Variants in HMBOX1 observed in about 807,000 individuals in gnomAD.
HMBOX1 encodes the protein homeobox containing 1.
A neutral mutation model predicts 54.5 loss-of-function variants in HMBOX1; 14 were observed. The observed-to-expected ratio is 0.26, with a 90% CI of 0.17 to 0.40. The LOEUF is 0.40. HMBOX1 is among the 10% of genes least tolerant of loss of function. The pLI is 1.00. For synonymous variants in HMBOX1, 160 were observed against 181.0 expected (o/e 0.88, Z 0.93); for missense variants, 332 against 514.4 (o/e 0.65, Z 3.43).
At chr8:28,958,425 C>T (rs1303669037) in intron 1 of HMBOX1, among the ~76,000 whole-genome samples, 3 of 152,080 alleles carry the variant, frequency 2.0e-5, no homozygotes, top group Non-Finnish European at 4.4e-5. Context: ...TCAGTGTTTA[C>T]TTATAAAGGA....
intron 1 of HMBOX1, among the ~76,000 whole-genome samples, chr8:28,904,708 G>A (rs1403451690): frequency 6.9e-6 from 1 of 144,530 alleles, no homozygotes; most frequent in Non-Finnish European, 1.5e-5. Context: ...ATGGAGTCTC[G>A]CTCTGTCACC....
chr8:29,035,595 A>T (rs1424450742), intron 6 of HMBOX1, among the ~76,000 whole-genome samples: 1 of 152,354 alleles, frequency 6.6e-6, no homozygotes, highest in East Asian at 1.9e-4. Context: ...CAGTTTACTC[A>T]AATAGTAGAT....
intron 2 of HMBOX1, among the ~76,000 whole-genome samples, chr8:28,966,618 G>T (rs1826480972): frequency 6.6e-6 from 1 of 152,158 alleles, no homozygotes; most frequent in Non-Finnish European, 1.5e-5. Flanking sequence ...AAATAAAATT[G>T]TGAAATGCCG....
intron 1 of HMBOX1, among the ~76,000 whole-genome samples, chr8:28,901,491 AC>A (rs983507306): frequency 1.3e-5 from 2 of 151,734 alleles, no homozygotes; most frequent in Non-Finnish European, 2.9e-5. Context: ...TGATTCTTTC[AC>A]CCCATAACAT....
At chr8:29,025,366 T>C (rs1297950831) in intron 6 of HMBOX1, among the ~76,000 whole-genome samples, 2 of 152,158 alleles carry the variant, frequency 1.3e-5, no homozygotes, top group Non-Finnish European at 2.9e-5. Flanking sequence ...TTAAATATCA[T>C]GATGAAGTAA....
intron 4 of HMBOX1, among the ~76,000 whole-genome samples, chr8:29,008,419 T>A (rs1412482254): frequency 6.6e-6 from 1 of 152,210 alleles, no homozygotes; most frequent in Admixed American, 6.5e-5. Flanking sequence ...TGTGGAAAGC[T>A]TGTGTTGGAA....
At chr8:28,996,641 T>C (rs1180965629) in intron 4 of HMBOX1, among the ~76,000 whole-genome samples, 1 of 152,212 alleles carries the variant, frequency 6.6e-6, no homozygotes, top group African/African-American at 2.4e-5. Flanking sequence ...TTTTGTTGTT[T>C]TGTTTTTGCT....
chr8:28,909,656 C>G (rs996986396), intron 1 of HMBOX1, among the ~76,000 whole-genome samples: 1 of 152,058 alleles, frequency 6.6e-6, no homozygotes, highest in East Asian at 1.9e-4. Flanking sequence ...GGTGCCTCGC[C>G]TGCTAAAGTG....
chr8:28,974,099 C>T (rs981206401), intron 3 of HMBOX1, among the ~76,000 whole-genome samples: 9 of 152,102 alleles, frequency 5.9e-5, no homozygotes, highest in African/African-American at 2.2e-4. Flanking sequence ...CAGGCATGAG[C>T]CACTGTGCCC....
intron 4 of HMBOX1, among the ~76,000 whole-genome samples, chr8:28,985,783 T>A (rs1215795707): frequency 2.0e-5 from 3 of 152,176 alleles, no homozygotes; most frequent in Non-Finnish European, 4.4e-5. Flanking sequence ...AACTAAAGTT[T>A]CAGTATATTA....
intron 1 of HMBOX1, among the ~76,000 whole-genome samples, chr8:28,960,203 T>C (rs989588886): frequency 1.4e-5 from 2 of 145,604 alleles, no homozygotes; most frequent in East Asian, 3.8e-4. Flanking sequence ...TACTATTTTT[T>C]CTTTTGACTT....
At chr8:29,049,516 C>T in intron 9 of HMBOX1, 2 of 1,403,646 alleles carry the variant, frequency 1.4e-6, no homozygotes, top group South Asian at 1.6e-5. Context: ...TCTGGCCCCA[C>T]TGCAGTGGGA....
chr8:29,012,601 GA>G (rs759245016), intron 5 of HMBOX1, among the ~76,000 whole-genome samples: 2 of 152,208 alleles, frequency 1.3e-5, no homozygotes, highest in South Asian at 2.1e-4. Flanking sequence ...GCTGTGTTAG[GA>G]ACTGGGAAGA....
At chr8:28,908,041 T>G (rs533889520) in intron 1 of HMBOX1, among the ~76,000 whole-genome samples, 1 of 152,198 alleles carries the variant, frequency 6.6e-6, no homozygotes, top group South Asian at 2.1e-4. Flanking sequence ...TTTGTAGAGA[T>G]GAGATTTCGC....
intron 8 of HMBOX1, 84 bp downstream of exon 8, chr8:29,047,537 C>T: frequency 2.9e-6 from 2 of 686,114 alleles, no homozygotes; most frequent in East Asian, 2.8e-5. Context: ...AGTTTAGAAA[C>T]TGCAAGTCTA....
At chr8:28,928,106 G>A (rs1365365630) in intron 1 of HMBOX1, among the ~76,000 whole-genome samples, 1 of 151,510 alleles carries the variant, frequency 6.6e-6, no homozygotes, top group Non-Finnish European at 1.5e-5. Context: ...CTGAACTCCA[G>A]CCTGGTGACA....
chr8:28,949,284 G>T (rs151102441), intron 1 of HMBOX1, among the ~76,000 whole-genome samples: 10 of 152,102 alleles, frequency 6.6e-5, no homozygotes, highest in African/African-American at 2.2e-4. Flanking sequence ...TCTCAGTCTG[G>T]TATTTTTTAG....
chr8:29,035,226 T>C (rs1004616772), intron 6 of HMBOX1, among the ~76,000 whole-genome samples: 5 of 152,144 alleles, frequency 3.3e-5, no homozygotes, highest in African/African-American at 1.2e-4. Flanking sequence ...AAGCATAGTA[T>C]TGATCATAAG....
chr8:28,927,932 C>A (rs973658350), intron 1 of HMBOX1, among the ~76,000 whole-genome samples: 1 of 149,654 alleles, frequency 6.7e-6, no homozygotes, highest in African/African-American at 2.5e-5. Flanking sequence ...GTCAAGAGAT[C>A]GAGACCATCC....
Sources: allele counts gnomAD v4.1 joint callset (sites outside exome capture counted in the v4.1 genomes callset), GRCh38; gene constraint gnomAD v4.1.1; transcripts MANE v1.5; gene names NCBI Gene and HGNC (gene_info 2026-07-23, HGNC 2026-07-21).